NASP: variants seen among roughly 807,000 people sequenced by gnomAD.
NASP encodes the protein nuclear autoantigenic sperm protein, also known as NASP histone chaperone.
NASP carries 24 observed loss-of-function variants against 89.5 expected under a neutral mutation model. The ratio of observed to expected loss-of-function variants is 0.27; its 90% CI spans 0.19 to 0.38. The LOEUF (loss-of-function observed/expected upper bound fraction) is 0.38. Ranked by LOEUF, NASP falls within the 10% of genes least tolerant of loss-of-function variation. The probability of loss-of-function intolerance (pLI) is 1.00; values close to 1 mark genes in which losing one functional copy is unlikely to be tolerated. For missense variants in NASP, 848 were observed against 921.4 expected (o/e 0.92, Z 1.03); for synonymous variants, 306 against 324.7 (o/e 0.94, Z 0.62).
At chr1:45,592,665 C>G (rs1025440245) in intron 2 of NASP, 1 of 152,260 alleles carries the variant, frequency 6.6e-6, no homozygotes, top group Non-Finnish European at 1.5e-5. Context: ...CAGGCACCCA[C>G]CACCATGCCC....
chr1:45,584,448 G>A (rs1199097028), intron 1 of NASP, among the ~76,000 whole-genome samples: 7 of 152,196 alleles, frequency 4.6e-5, no homozygotes, highest in Non-Finnish European at 1.0e-4. Flanking sequence ...CATCTTGCCG[G>A]GGGCAGCGGC....
At chr1:45,599,590 G>C (rs1262208785) in intron 2 of NASP, among the ~76,000 whole-genome samples, 13 of 151,900 alleles carry the variant, frequency 8.6e-5, no homozygotes, top group Admixed American at 8.5e-4. Flanking sequence ...ACCACGCCCG[G>C]CTAACTTTTG....
intron 5 of NASP, 183 bp from the exon 6 acceptor site, chr1:45,607,138 A>G (rs1485556829): frequency 2.4e-5 from 15 of 620,372 alleles, no homozygotes; most frequent in African/African-American, 5.5e-5. Flanking sequence ...TTTTGCAGTA[A>G]GTTGCTCTGC....
chr1:45,586,309 G>GTGTGTGTGTGGTGTGTGT (rs1420228919), intron 1 of NASP, among the ~76,000 whole-genome samples: 1 of 136,000 alleles, frequency 7.4e-6, no homozygotes, highest in African/African-American at 2.8e-5. Context: ...GTGTGTGTGT[G>GTGTGTGTGTGGTGTGTGT]GTGTGTGTGT....
At chr1:45,587,771 C>G (rs1644578332) in intron 1 of NASP, among the ~76,000 whole-genome samples, 1 of 148,596 alleles carries the variant, frequency 6.7e-6, no homozygotes, top group African/African-American at 2.5e-5. Flanking sequence ...CAACTTCTGC[C>G]TCCCCTGTGC....
chr1:45,593,965 G>A (rs192694627), intron 2 of NASP, among the ~76,000 whole-genome samples: 2 of 151,862 alleles, frequency 1.3e-5, no homozygotes, highest in Non-Finnish European at 2.9e-5. Context: ...GGAAGTCGAG[G>A]TGGTGGTGAG....
intron 2 of NASP, among the ~76,000 whole-genome samples, chr1:45,601,467 TTCAG>T (rs1358670073): frequency 3.9e-5 from 6 of 152,186 alleles, no homozygotes; most frequent in African/African-American, 1.2e-4. Context: ...TTTTCAAAAT[TTCAG>T]TCAGTCATAT....
At chr1:45,584,800 C>T (rs1386651270) in intron 1 of NASP, among the ~76,000 whole-genome samples, 1 of 152,162 alleles carries the variant, frequency 6.6e-6, no homozygotes, top group African/African-American at 2.4e-5. Context: ...GGGGCCGCTG[C>T]GGCTCCAGCA....
At chr1:45,606,658 A>G (rs2148357584) in intron 5 of NASP, 67 bp downstream of exon 5, 1 of 1,102,780 alleles carries the variant, frequency 9.1e-7, no homozygotes, top group Non-Finnish European at 1.4e-6. Context: ...CAGTGGTGGA[A>G]ACGGGGCTCT....
At position 45,600,995 on chromosome 1, in the gene NASP, T is replaced by C. The variant is rs558608533; in HGVS notation, c.108-1260T>C. On this transcript the variant is annotated intron_variant, in intron 2 of 14. Transcript: ENST00000350030. ...ATCTGTGTATCTTTGATGACATGTT[T>C]GTTAAAATCTTTCGCCCCCTTTTTA... Among the ~76,000 whole-genome samples, 5 of 152,330 alleles carry C rather than the reference T, an allele frequency of 3.3e-5. No homozygotes were observed. In the East Asian group the frequency reaches 9.6e-4, roughly 29 times the overall value.
Position 45,599,666 on chromosome 1 carries a change from A to T in NASP, c.108-2589A>T, listed in dbSNP as rs564159284. On this transcript the variant is annotated intron_variant, in intron 2 of 14. Transcript: ENST00000350030. ...CTGGTTTCGAACTCCTGACCTTGTG[A>T]TCTGCCCGCCTCAGCCTCCCAAAGT... is the stretch of plus-strand genomic sequence containing the variant. 1.4e-4 allele frequency among the ~76,000 whole-genome samples: 22 copies of T among 151,902 alleles called. 1 individual carries two copies. In the South Asian group the frequency reaches 4.2e-3, roughly 29 times the overall value.
At chr1:45,602,526 A>ATTT (rs1491249124) in intron 3 of NASP, among the ~76,000 whole-genome samples, 161 bp downstream of exon 3, 9 of 152,236 alleles carry the variant, frequency 5.9e-5, no homozygotes, top group Non-Finnish European at 1.0e-4. Flanking sequence ...TAAAACTTAA[A>ATTT]TATCACCAAG....
At chr1:45,604,547 T>C (rs1181939994) in intron 3 of NASP, among the ~76,000 whole-genome samples, 1 of 151,976 alleles carries the variant, frequency 6.6e-6, no homozygotes, top group African/African-American at 2.4e-5. Flanking sequence ...GAACTCCAGA[T>C]ATTCTGCGCT....
intron 3 of NASP, among the ~76,000 whole-genome samples, chr1:45,604,446 C>T (rs1643885559): frequency 1.3e-5 from 2 of 152,186 alleles, no homozygotes; most frequent in African/African-American, 4.8e-5. Context: ...TCCCATTTTA[C>T]AGATGAGAAA....
chr1:45,606,805 C>A, intron 5 of NASP: 1 of 421,416 alleles, frequency 2.4e-6, no homozygotes, highest in Non-Finnish European at 4.2e-6. Flanking sequence ...TCAAGTAAAT[C>A]CAGTTATTTC....
At chr1:45,612,980 T>A in intron 6 of NASP, 189 bp from the exon 7 acceptor site, 1 of 686,440 alleles carries the variant, frequency 1.5e-6, no homozygotes, top group Non-Finnish European at 2.1e-6. Flanking sequence ...AGATTGCACA[T>A]TCTTAGTCTA....
chr1:45,617,420 A>T (rs764929399), intron 13 of NASP, 43 bp from the exon 14 acceptor site: 3 of 1,587,950 alleles, frequency 1.9e-6, no homozygotes, highest in Non-Finnish European at 2.6e-6. Context: ...TCTTTTTAAA[A>T]ACATTAAGCA....
At chr1:45,597,272 A>C (rs1364967151) in intron 2 of NASP, among the ~76,000 whole-genome samples, 2 of 134,942 alleles carry the variant, frequency 1.5e-5, no homozygotes, top group Non-Finnish European at 3.0e-5. Flanking sequence ...GTGCCACTGC[A>C]CTCTAGCCTG....
rs546772700 is a variant in NASP, at chr1:45,607,736, A to G, written c.825A>G (p.Lys275=). 1 of 1,614,152 alleles carries G rather than the reference A, an allele frequency of 6.2e-7. No homozygotes were observed. Among genetic ancestry groups the G allele is most frequent in the East Asian group, 2.2e-5 (1 of 44,888 alleles). ...TTGTGAGCATAGAGGAGAAGCCAAAAGAAGTTTCAGAAGAGCAGCCTGTGG... is the reference window on the plus strand; with the variant it reads ...TTGTGAGCATAGAGGAGAAGCCAAAGGAAGTTTCAGAAGAGCAGCCTGTGG... ...EVIVSIEEKP[K]EVSEEQPVVT... is the part of the protein sequence containing the mutation. The change falls in exon 6 of 15, where the codon AAA becomes AAG. Residue 275 remains lysine, a synonymous_variant. Coordinates refer to ENST00000350030, the MANE Select transcript of NASP (RefSeq NM_002482.4).
Sources: allele counts gnomAD v4.1 joint callset (sites outside exome capture counted in the v4.1 genomes callset), GRCh38; gene constraint gnomAD v4.1.1; transcripts MANE v1.5; gene names NCBI Gene and HGNC (gene_info 2026-07-23, HGNC 2026-07-21).